Variants in PMEPA1 observed in about 807,000 individuals in gnomAD.
PMEPA1 encodes the protein protein TMEPAI.
PMEPA1 carries 11 observed loss-of-function variants against 23.0 expected under a neutral mutation model. The ratio of observed to expected loss-of-function variants is 0.48; its 90% CI spans 0.30 to 0.79. The LOEUF is 0.79. PMEPA1 is among the 30% of genes least tolerant of loss of function. PMEPA1 has a pLI of 0.06. For missense variants in PMEPA1, 377 were observed against 390.9 expected, an observed-to-expected ratio of 0.96 and a Z score of 0.30; for synonymous variants, 204 against 166.4, an observed-to-expected ratio of 1.23 and a Z score of -1.74.
At chr20:57,685,811 C>CA (rs920394546) in intron 1 of PMEPA1, among the ~76,000 whole-genome samples, 2 of 151,984 alleles carry the variant, frequency 1.3e-5, no homozygotes, top group Admixed American at 6.5e-5. Context: ...GGGCGTGTGG[C>CA]AAAAAAAGGT....
intron 1 of PMEPA1, chr20:57,700,067 T>TATA: frequency 2.1e-6 from 1 of 471,232 alleles, no homozygotes; most frequent in Non-Finnish European, 4.4e-6. Context: ...GCTGGATTTG[T>TATA]CACTTTCATG....
chr20:57,697,232 A>G (rs867171653), intron 1 of PMEPA1, among the ~76,000 whole-genome samples: 4 of 152,172 alleles, frequency 2.6e-5, no homozygotes, highest in Middle Eastern at 3.2e-3. Flanking sequence ...TTTTCCCCAT[A>G]AGGATCATCC....
chr20:57,689,565 ACT>A (rs1250845694), intron 1 of PMEPA1, among the ~76,000 whole-genome samples: 3 of 152,118 alleles, frequency 2.0e-5, no homozygotes, highest in Admixed American at 6.5e-5. Context: ...TCCAAATGAA[ACT>A]CGGGGAATCC....
rs1221632292 is a variant in PMEPA1 at position 57,651,107 on chromosome 20, A to G, written c.*946T>C. ...CATTTTTGGGAAAGGCAAAACCACT[A>G]CCTGGAACTCGGTGCCTCCGTGGTT... On this transcript the variant is annotated 3_prime_UTR_variant, in exon 4 of 4. Coordinates refer to ENST00000341744, the MANE Select transcript of PMEPA1 (RefSeq NM_020182.5). 3.9e-5 allele frequency: 6 copies of G among 152,296 alleles called. No individual in the cohort carries two copies. The highest frequency in any genetic ancestry group is 8.8e-5 in the Non-Finnish European group (6 of 68,018). 9.4% of individuals were successfully genotyped at this position (152,296 alleles called of 1,614,324 possible). A position where few individuals can be genotyped will look rare whatever the true frequency, so the allele number is the denominator to read the frequency against.
At chr20:57,668,209 G>C (rs1323141247) in intron 1 of PMEPA1, among the ~76,000 whole-genome samples, 1 of 152,206 alleles carries the variant, frequency 6.6e-6, no homozygotes, top group African/African-American at 2.4e-5. Context: ...CCAGGGTGGG[G>C]ACTGGGGCCC....
chr20:57,679,747 C>T (rs1405489522), intron 1 of PMEPA1, among the ~76,000 whole-genome samples: 1 of 152,120 alleles, frequency 6.6e-6, no homozygotes, highest in Non-Finnish European at 1.5e-5. Flanking sequence ...GTGAGTGGCT[C>T]AGAGATCCCT....
chr20:57,693,655 T>C (rs1472938762), intron 1 of PMEPA1, among the ~76,000 whole-genome samples: 1 of 152,240 alleles, frequency 6.6e-6, no homozygotes. Flanking sequence ...CACAGACCTA[T>C]TCTGCAGAAT....
rs2071229023 is a variant in PMEPA1 at position 57,651,599 on chromosome 20, CAAA to C, written c.*451_*453del. ...TTTTTTTAATAGGCCTCTTCTAATA[CAAA>C]AATACTCCTGCCCTCGCACATACAG... On this transcript the variant is annotated 3_prime_UTR_variant, in exon 4 of 4. Transcript: ENST00000341744. 1 of 151,472 alleles carries C rather than the reference CAAA, an allele frequency of 6.6e-6. No individual in the cohort carries two copies. The highest frequency in any genetic ancestry group is 2.4e-5 in the African/African-American group (1 of 41,188). The allele number at this position is 151,472 out of a possible 1,614,324, so 9.4% of individuals were successfully genotyped here. A position where few individuals can be genotyped will look rare whatever the true frequency, so the allele number is the denominator to read the frequency against.
At chr20:57,657,901 G>C (rs574501029) in intron 2 of PMEPA1, among the ~76,000 whole-genome samples, 1 of 152,154 alleles carries the variant, frequency 6.6e-6, no homozygotes, top group Non-Finnish European at 1.5e-5. Context: ...GCTCAGAGAC[G>C]TGCCGCAGCC....
intron 2 of PMEPA1, among the ~76,000 whole-genome samples, chr20:57,657,320 C>T (rs559931280): frequency 3.9e-5 from 6 of 152,282 alleles, no homozygotes; most frequent in African/African-American, 1.2e-4. Flanking sequence ...AATGTCCAGG[C>T]ACCGTCACTC....
intron 1 of PMEPA1, among the ~76,000 whole-genome samples, chr20:57,681,310 C>T (rs1013691652): frequency 1.4e-4 from 22 of 152,218 alleles, no homozygotes; most frequent in Admixed American, 6.5e-5. Context: ...CCAAACCTGC[C>T]GCCTGCCTGA....
At chr20:57,668,009 C>G (rs1321105854) in intron 1 of PMEPA1, among the ~76,000 whole-genome samples, 1 of 152,176 alleles carries the variant, frequency 6.6e-6, no homozygotes, top group African/African-American at 2.4e-5. Flanking sequence ...CTCTGTCTTC[C>G]TCTTGAGGTT....
chr20:57,668,519 C>A (rs2071524702), intron 1 of PMEPA1, among the ~76,000 whole-genome samples: 1 of 152,238 alleles, frequency 6.6e-6, no homozygotes, highest in African/African-American at 2.4e-5. Context: ...CCTGTCCCCA[C>A]AAGACATGAG....
chr20:57,699,605 G>A (rs1363426674), intron 1 of PMEPA1, among the ~76,000 whole-genome samples: 1 of 152,220 alleles, frequency 6.6e-6, no homozygotes, highest in African/African-American at 2.4e-5. Context: ...CAGTCTCTCG[G>A]GATTTGGTCT....
intron 1 of PMEPA1, among the ~76,000 whole-genome samples, chr20:57,702,216 T>C (rs2072020875): frequency 6.6e-6 from 1 of 152,156 alleles, no homozygotes. Flanking sequence ...GTGTGGCAGA[T>C]GGTGCTGAAC....
At chr20:57,705,440 G>T (rs1266482386) in intron 1 of PMEPA1, among the ~76,000 whole-genome samples, 4 of 152,228 alleles carry the variant, frequency 2.6e-5, no homozygotes, top group African/African-American at 9.6e-5. Context: ...GTCCACAGGG[G>T]AGAACAGCTG....
At chr20:57,662,448 C>T (rs1044403538) in intron 1 of PMEPA1, among the ~76,000 whole-genome samples, 3 of 152,220 alleles carry the variant, frequency 2.0e-5, no homozygotes, top group Non-Finnish European at 2.9e-5. Context: ...TCCCAAGCCC[C>T]GAGAAGGCTT....
chr20:57,688,371 T>A (rs2071829864), intron 1 of PMEPA1, among the ~76,000 whole-genome samples: 3 of 129,108 alleles, frequency 2.3e-5, no homozygotes, highest in African/African-American at 9.4e-5. Flanking sequence ...GTTCTGGGCA[T>A]GGCAGGCTGT....
chr20:57,692,437 C>G (rs1025242563), intron 1 of PMEPA1, among the ~76,000 whole-genome samples: 2 of 152,250 alleles, frequency 1.3e-5, no homozygotes, highest in African/African-American at 2.4e-5. Flanking sequence ...GCGGCCCAGA[C>G]AGGGGAGCGA....
Sources: allele counts gnomAD v4.1 joint callset (sites outside exome capture counted in the v4.1 genomes callset), GRCh38; gene constraint gnomAD v4.1.1; transcripts MANE v1.5; gene names NCBI Gene and HGNC (gene_info 2026-07-23, HGNC 2026-07-21).